The following DCC variants were observed in gnomAD, a reference collection of about 807,000 sequenced individuals.
The protein encoded by DCC is netrin receptor DCC.
DCC carries 58 observed loss-of-function variants against 172.5 expected under a neutral mutation model. That is an observed-to-expected ratio of 0.34 (90% CI 0.27 to 0.42). The LOEUF (loss-of-function observed/expected upper bound fraction) is 0.42. Ranked by LOEUF, DCC falls within the 10% of genes least tolerant of loss-of-function variation. The pLI is 1.00. For synonymous variants in DCC, 709 were observed against 644.5 expected (o/e 1.10, Z -1.52); for missense variants, 1,740 against 1,791.0 (o/e 0.97, Z 0.51).
intron 1 of DCC, among the ~76,000 whole-genome samples, chr18:52,652,403 C>T (rs2035150962): frequency 6.6e-6 from 1 of 152,148 alleles, no homozygotes; most frequent in Non-Finnish European, 1.5e-5. Flanking sequence ...AAGAACCCAG[C>T]AAGAGTATTT....
At chr18:52,697,851 A>C (rs2036039374) in intron 1 of DCC, among the ~76,000 whole-genome samples, 1 of 152,186 alleles carries the variant, frequency 6.6e-6, no homozygotes, top group African/African-American at 2.4e-5. Context: ...ATGATTGAGA[A>C]TCTATTTTGG....
At chr18:53,397,628 GA>G (rs1371579951) in intron 18 of DCC, among the ~76,000 whole-genome samples, 182 bp downstream of exon 18, 6 of 152,076 alleles carry the variant, frequency 3.9e-5, no homozygotes, top group Non-Finnish European at 1.5e-5. Flanking sequence ...GAAAAAACAT[GA>G]ATCTCCAATG....
chr18:53,018,434 CA>C (rs1364051568), intron 5 of DCC, among the ~76,000 whole-genome samples: 3 of 152,072 alleles, frequency 2.0e-5, no homozygotes, highest in Admixed American at 1.3e-4. Context: ...TTTTTTTGTG[CA>C]AAAGTGTTTA....
intron 12 of DCC, among the ~76,000 whole-genome samples, chr18:53,274,983 C>T (rs779958858): frequency 2.0e-5 from 3 of 151,868 alleles, no homozygotes; most frequent in Non-Finnish European, 4.4e-5. Context: ...TCAACTATAA[C>T]TCTCAAATCT....
At chr18:53,054,938 C>T (rs901726585) in intron 5 of DCC, among the ~76,000 whole-genome samples, 10 of 151,994 alleles carry the variant, frequency 6.6e-5, no homozygotes, top group African/African-American at 1.9e-4. Flanking sequence ...ACTATTTGTC[C>T]TAATATTCTA....
intron 2 of DCC, among the ~76,000 whole-genome samples, chr18:52,896,093 A>G (rs1167200065): frequency 6.6e-6 from 1 of 152,164 alleles, no homozygotes; most frequent in African/African-American, 2.4e-5. Context: ...CCGTGGTTAA[A>G]TTGCTATGAT....
chr18:53,475,512 AG>A (rs1472537478), intron 25 of DCC, among the ~76,000 whole-genome samples: 3 of 152,220 alleles, frequency 2.0e-5, no homozygotes, highest in Non-Finnish European at 2.9e-5. Context: ...AATAGAGCTC[AG>A]GTCTTGGCTT....
intron 1 of DCC, among the ~76,000 whole-genome samples, chr18:52,661,817 C>G (rs2035366273): frequency 6.6e-6 from 1 of 152,142 alleles, no homozygotes; most frequent in Non-Finnish European, 1.5e-5. Flanking sequence ...AAAACAATCT[C>G]AAATAAAACA....
chr18:53,526,715 G>C lies in DCC; in HGVS notation c.4210G>C (p.Glu1404Gln). ...LLPVSVPTAP[E>Q]VSEESHKPTE... ...TCCTGTGTCTGTGCCAACAGCCCCTGAAGTGTCTGAGGAGAGCCACAAACC... is the reference window on the plus strand; with the variant it reads ...TCCTGTGTCTGTGCCAACAGCCCCTCAAGTGTCTGAGGAGAGCCACAAACC... The change falls in exon 28 of 29, where the codon GAA becomes CAA. Residue 1404 changes from glutamate (E) to glutamine (Q), a missense_variant. Transcript: ENST00000442544. 6.2e-7 allele frequency: 1 copy of C among 1,613,548 alleles called. No homozygotes were observed. The highest frequency in any genetic ancestry group is 8.5e-7 in the Non-Finnish European group (1 of 1,179,680).
intron 1 of DCC, among the ~76,000 whole-genome samples, chr18:52,572,218 G>A (rs571027887): frequency 6.6e-6 from 1 of 152,266 alleles, no homozygotes; most frequent in South Asian, 2.1e-4. Flanking sequence ...AGGCACTAAA[G>A]CAAAGCACAA....
intron 2 of DCC, among the ~76,000 whole-genome samples, chr18:52,781,314 T>G (rs892367794): frequency 6.6e-6 from 1 of 152,098 alleles, no homozygotes; most frequent in African/African-American, 2.4e-5. Flanking sequence ...AAGATCAGAG[T>G]GACTTTCTTC....
At chr18:52,897,348 G>A (rs988225058) in intron 2 of DCC, among the ~76,000 whole-genome samples, 1 of 152,158 alleles carries the variant, frequency 6.6e-6, no homozygotes, top group South Asian at 2.1e-4. Flanking sequence ...ACAAACTCCA[G>A]GTAATCTCAT....
chr18:52,374,938 A>G (rs1985282481), intron 1 of DCC, among the ~76,000 whole-genome samples: 1 of 152,204 alleles, frequency 6.6e-6, no homozygotes, highest in Non-Finnish European at 1.5e-5. Context: ...TTGATTTCCC[A>G]GCCATTGACC....
At chr18:52,700,589 T>G (rs1168510367) in intron 1 of DCC, among the ~76,000 whole-genome samples, 14 of 152,344 alleles carry the variant, frequency 9.2e-5, no homozygotes, top group African/African-American at 3.4e-4. Flanking sequence ...CTTATGAATA[T>G]GGGCTAATAT....
At chr18:53,171,489 T>C (rs1225264214) in intron 8 of DCC, among the ~76,000 whole-genome samples, 2 of 152,218 alleles carry the variant, frequency 1.3e-5, no homozygotes, top group Non-Finnish European at 2.9e-5. Context: ...TGAGAAAGTA[T>C]GAATTGTCCA....
At chr18:52,946,278 CTG>C (rs2040543867) in intron 5 of DCC, among the ~76,000 whole-genome samples, 1 of 152,192 alleles carries the variant, frequency 6.6e-6, no homozygotes, top group African/African-American at 2.4e-5. Flanking sequence ...TAATCCATCT[CTG>C]TAATTCCAGT....
chr18:52,708,241 A>G (rs1206293878), intron 1 of DCC, among the ~76,000 whole-genome samples: 1 of 152,122 alleles, frequency 6.6e-6, no homozygotes, highest in Middle Eastern at 3.2e-3. Context: ...GGAGATTGAG[A>G]CCATCCTGGC....
chr18:53,398,994 A>T (rs1276240303), intron 18 of DCC, among the ~76,000 whole-genome samples: 1 of 152,160 alleles, frequency 6.6e-6, no homozygotes, highest in Admixed American at 6.5e-5. Context: ...GATAAAGACC[A>T]TATGGGGCTA....
intron 10 of DCC, 142 bp downstream of exon 10, chr18:53,205,506 G>C: frequency 1.2e-6 from 1 of 825,110 alleles, no homozygotes; most frequent in Non-Finnish European, 2.1e-6. Context: ...AAGCTGATTA[G>C]TTTTAAAGCA....
Sources: allele counts gnomAD v4.1 joint callset (sites outside exome capture counted in the v4.1 genomes callset), GRCh38; gene constraint gnomAD v4.1.1; transcripts MANE v1.5; gene names NCBI Gene and HGNC (gene_info 2026-07-23, HGNC 2026-07-21).